SKAP1: variants seen among roughly 807,000 people sequenced by gnomAD.
The protein encoded by SKAP1 is src kinase-associated phosphoprotein 1.
A neutral mutation model predicts 58.5 loss-of-function variants in SKAP1; 44 were observed. That is an observed-to-expected ratio of 0.75 (90% confidence interval 0.59 to 0.97). SKAP1 has a LOEUF of 0.97. SKAP1 is among the 50% of genes least tolerant of loss of function. The pLI is 0.00. For synonymous variants in SKAP1, 127 were observed against 149.7 expected, an observed-to-expected ratio of 0.85 and a Z score of 1.11; for missense variants, 390 against 435.2, an observed-to-expected ratio of 0.90 and a Z score of 0.92.
At chr17:48,392,447 A>G (rs1045668830) in intron 2 of SKAP1, among the ~76,000 whole-genome samples, 1 of 152,212 alleles carries the variant, frequency 6.6e-6, no homozygotes, top group Non-Finnish European at 1.5e-5. Context: ...ACAGAAGGAA[A>G]CAATACTCCA....
intron 4 of SKAP1, chr17:48,204,230 G>A (rs940369911): frequency 5.3e-5 from 8 of 150,506 alleles, no homozygotes; most frequent in Admixed American, 2.7e-4. Context: ...GAGTAGCTGT[G>A]TTATAGGCAT....
intron 4 of SKAP1, among the ~76,000 whole-genome samples, chr17:48,336,135 C>A (rs1204960908): frequency 1.3e-5 from 2 of 152,090 alleles, no homozygotes; most frequent in African/African-American, 2.4e-5. Context: ...CTCTTAACTG[C>A]TACTTTATAG....
At chr17:48,352,433 G>A (rs561538961) in intron 3 of SKAP1, among the ~76,000 whole-genome samples, 47 of 152,264 alleles carry the variant, frequency 3.1e-4, no homozygotes, top group South Asian at 2.7e-3. Flanking sequence ...TTGGTAGTAT[G>A]TGGATAAATA....
chr17:48,195,750 G>C (rs2064618057), intron 4 of SKAP1, among the ~76,000 whole-genome samples: 1 of 152,200 alleles, frequency 6.6e-6, no homozygotes, highest in South Asian at 2.1e-4. Context: ...CACATTTGTA[G>C]TTAGCAAACC....
intron 1 of SKAP1, among the ~76,000 whole-genome samples, chr17:48,424,957 G>A (rs7212398): frequency 7.0e-6 from 1 of 143,070 alleles, no homozygotes. Context: ...AAAAGAAAAA[G>A]AAAATGAAAA....
At chr17:48,195,906 C>T (rs1233048940) in intron 4 of SKAP1, among the ~76,000 whole-genome samples, 1 of 150,516 alleles carries the variant, frequency 6.6e-6, no homozygotes, top group Non-Finnish European at 1.5e-5. Flanking sequence ...ATACTGAAGA[C>T]AAAAAAAACC....
At chr17:48,146,377 C>T (rs1018301618) in intron 11 of SKAP1, among the ~76,000 whole-genome samples, 15 of 151,656 alleles carry the variant, frequency 9.9e-5, no homozygotes, top group African/African-American at 1.5e-4. Context: ...CCTGTAATCC[C>T]GGCTACTCGG....
chr17:48,289,150 T>C (rs1478053476), intron 4 of SKAP1, among the ~76,000 whole-genome samples: 1 of 152,308 alleles, frequency 6.6e-6, no homozygotes, highest in Non-Finnish European at 1.5e-5. Context: ...TAGGAATGTT[T>C]ATCTATTCAA....
intron 4 of SKAP1, among the ~76,000 whole-genome samples, chr17:48,310,766 A>G (rs986855463): frequency 2.0e-5 from 3 of 150,064 alleles, no homozygotes; most frequent in African/African-American, 7.3e-5. Context: ...GCAGGGGAAC[A>G]ATTAAAGATG....
At chr17:48,254,668 A>G (rs1260864729) in intron 4 of SKAP1, among the ~76,000 whole-genome samples, 1 of 150,312 alleles carries the variant, frequency 6.7e-6, no homozygotes, top group Non-Finnish European at 1.5e-5. Context: ...AACGCCTACT[A>G]GATGCAAGAT....
At chr17:48,437,358 A>C in the SKAP1 span, among the ~76,000 whole-genome samples, 48 of 152,154 alleles carry the variant, frequency 3.2e-4, no homozygotes, top group Admixed American at 7.2e-4. Context: ...CAGATTCCTC[A>C]TCGGTAAATT....
intron 4 of SKAP1, among the ~76,000 whole-genome samples, chr17:48,298,831 G>A (rs2066018578): frequency 6.6e-6 from 1 of 152,166 alleles, no homozygotes; most frequent in African/African-American, 2.4e-5. Flanking sequence ...AAGTGGGTAG[G>A]AGGGATGCAG....
intron 4 of SKAP1, among the ~76,000 whole-genome samples, chr17:48,234,779 A>C (rs116280591): frequency 1.3e-5 from 2 of 152,200 alleles, no homozygotes; most frequent in Admixed American, 6.5e-5. Flanking sequence ...GTAAAAAGCA[A>C]AATTACAAAT....
chr17:48,243,945 TAAG>T (rs1346853344), intron 4 of SKAP1, among the ~76,000 whole-genome samples: 1 of 151,868 alleles, frequency 6.6e-6, no homozygotes, highest in Non-Finnish European at 1.5e-5. Context: ...TCTCCTCCTC[TAAG>T]AAAAAGAAAG....
At chr17:48,138,768 G>A (rs915043474) in intron 11 of SKAP1, among the ~76,000 whole-genome samples, 1 of 151,720 alleles carries the variant, frequency 6.6e-6, no homozygotes, top group Non-Finnish European at 1.5e-5. Flanking sequence ...CACCAGCCTC[G>A]GCCTTGCTAA....
At chr17:48,309,036 C>T (rs180993237) in intron 4 of SKAP1, among the ~76,000 whole-genome samples, 59 of 152,032 alleles carry the variant, frequency 3.9e-4, no homozygotes, top group East Asian at 1.2e-3. Flanking sequence ...GGGTAACTGA[C>T]GGTGTATGGG....
chr17:48,239,649 G>C (rs2065221559), intron 4 of SKAP1, among the ~76,000 whole-genome samples: 2 of 152,114 alleles, frequency 1.3e-5, no homozygotes, highest in Admixed American at 1.3e-4. Context: ...AGAAAACTGA[G>C]ACCATTGGTC....
chr17:48,429,939 T>G (rs2067896908), intron 1 of SKAP1, 136 bp downstream of exon 1: 1 of 663,412 alleles, frequency 1.5e-6, no homozygotes, highest in Non-Finnish European at 2.2e-6. Context: ...CTCTAGGGAG[T>G]TGAGGGCTCT....
chr17:48,402,480 C>T (rs1278751820), intron 1 of SKAP1, among the ~76,000 whole-genome samples: 1 of 152,086 alleles, frequency 6.6e-6, no homozygotes, highest in Non-Finnish European at 1.5e-5. Context: ...CAGGTGCATG[C>T]CACCATGCTG....
Sources: gnomAD v4.1 joint callset for allele counts (sites outside exome capture counted in the v4.1 genomes callset) on GRCh38, gnomAD v4.1.1 for gene constraint, MANE v1.5 for transcripts, NCBI Gene and HGNC (gene_info 2026-07-23, HGNC 2026-07-21) for gene names.